The following HERC2 variants were observed in gnomAD, a reference collection of about 807,000 sequenced individuals.
The protein encoded by HERC2 is HECT and RLD domain containing E3 ubiquitin protein ligase 2, also known as E3 ubiquitin-protein ligase HERC2.
HERC2 carries 102 observed loss-of-function variants against 537.7 expected under a neutral mutation model. The observed-to-expected ratio is 0.19, with a 90% CI of 0.16 to 0.22. HERC2 has a LOEUF of 0.22. Among genes scored for constraint, HERC2 ranks in the 10% least tolerant of loss-of-function variants. The probability of loss-of-function intolerance (pLI) is 1.00; values close to 1 mark genes in which losing one functional copy is unlikely to be tolerated. For missense variants in HERC2, 4,236 were observed against 6,198.2 expected, an observed-to-expected ratio of 0.68 and a Z score of 10.63; for synonymous variants, 2,224 against 2,466.2, an observed-to-expected ratio of 0.90 and a Z score of 2.91.
intron 52 of HERC2, among the ~76,000 whole-genome samples, chr15:28,195,562 A>G (rs1897278492): frequency 2.0e-5 from 3 of 152,338 alleles, no homozygotes; most frequent in African/African-American, 4.8e-5. Context: ...GCTTAAATAC[A>G]TTACGCTAAA....
In HERC2 at chr15:28,230,519, T is replaced by C. The variant is rs546311210; in HGVS notation, c.4676-19A>G. Reference sequence around the variant, plus strand: ...TTAGGAACTGTGTTTTAAAACATCATTCACTATAAAAATCATACACTTAAA... The same window carrying C: ...TTAGGAACTGTGTTTTAAAACATCACTCACTATAAAAATCATACACTTAAA... On this transcript the variant is annotated intron_variant, in intron 30 of 92. Coordinates refer to ENST00000261609, the MANE Select transcript of HERC2 (RefSeq NM_004667.6). 6 of 1,154,814 alleles carry C rather than the reference T, an allele frequency of 5.2e-6. No individual in the cohort carries two copies. Among genetic ancestry groups the C allele is most frequent in the East Asian group, 2.3e-5 (1 of 42,596 alleles). 71.5% of individuals were successfully genotyped at this position (1,154,814 alleles called of 1,614,324 possible).
intron 37 of HERC2, among the ~76,000 whole-genome samples, chr15:28,220,207 G>A (rs1347033382): frequency 1.3e-5 from 2 of 152,206 alleles, no homozygotes; most frequent in Non-Finnish European, 2.9e-5. Flanking sequence ...AAAGAGGGGC[G>A]GGTGCACACA....
intron 67 of HERC2, 102 bp downstream of exon 67, chr15:28,168,305 G>A (rs1894350163): frequency 8.9e-7 from 1 of 1,127,176 alleles, no homozygotes; most frequent in South Asian, 1.5e-5. Flanking sequence ...TAAGCGGGAG[G>A]CACAGAAACA....
At chr15:28,285,590 A>C (rs1243301502) in intron 4 of HERC2, among the ~76,000 whole-genome samples, 1 of 152,008 alleles carries the variant, frequency 6.6e-6, no homozygotes, top group African/African-American at 2.4e-5. Context: ...ATATATTAGA[A>C]ACTTGGAAAC....
intron 36 of HERC2, among the ~76,000 whole-genome samples, 161 bp downstream of exon 36, chr15:28,221,867 A>G (rs1280383339): frequency 2.6e-5 from 4 of 151,906 alleles, no homozygotes; most frequent in African/African-American, 7.3e-5. Context: ...ATGATTCCCT[A>G]CTTGTGTTCA....
intron 71 of HERC2, among the ~76,000 whole-genome samples, 161 bp from the exon 72 acceptor site, chr15:28,144,965 G>C (rs1891589538): frequency 6.6e-6 from 1 of 152,200 alleles, no homozygotes; most frequent in Non-Finnish European, 1.5e-5. Flanking sequence ...CAACACTCTT[G>C]GGATTCACAT....
intron 35 of HERC2, among the ~76,000 whole-genome samples, chr15:28,222,896 A>G (rs979957574): frequency 1.3e-5 from 2 of 152,310 alleles, no homozygotes; most frequent in South Asian, 2.1e-4. Flanking sequence ...CACCTGACAC[A>G]GCTCAGTGCC....
At chr15:28,157,955 G>A (rs1006746043) in intron 69 of HERC2, among the ~76,000 whole-genome samples, 1 of 151,974 alleles carries the variant, frequency 6.6e-6, no homozygotes, top group East Asian at 1.9e-4. Flanking sequence ...TGTTCTCGTT[G>A]GTTTCAAAGA....
At chr15:28,189,768 A>G (rs1896654698) in intron 55 of HERC2, among the ~76,000 whole-genome samples, 1 of 152,236 alleles carries the variant, frequency 6.6e-6, no homozygotes, top group South Asian at 2.1e-4. Flanking sequence ...ACAAAACATC[A>G]CAGTGTTCTC....
At chr15:28,197,676 T>C (rs569331541) in intron 50 of HERC2, among the ~76,000 whole-genome samples, 7 of 152,216 alleles carry the variant, frequency 4.6e-5, no homozygotes, top group African/African-American at 1.7e-4. Context: ...TCCTTAAACC[T>C]GGGGGCGGAG....
rs1414012829 is a variant in HERC2 at position 28,132,730 on chromosome 15, C to A, written c.12331G>T (p.Asp4111Tyr). The A allele has an allele frequency of 6.2e-7, 1 of 1,609,068 alleles. No homozygotes were observed. The change falls in exon 80 of 93, where the codon GAC (aspartate) becomes TAC (tyrosine). Residue 4111 changes from aspartate (D) to tyrosine (Y), a missense_variant. By Grantham distance (160) the Asp-to-Tyr change is radical. This residue lies in a region of HERC2 where 94 missense variants were observed against 137.4 expected (regional missense o/e 0.68). Transcript: ENST00000261609. ...CGGCCTTTGCCCCATGTGTAGAGGT[C>A]CCCGGCTGCTGTGACACAGGCGCTG... The part of the protein sequence containing the change: ...AHSACVTAAG[D>Y]LYTWGKGRYG...
intron 25 of HERC2, 115 bp from the exon 26 acceptor site, chr15:28,237,228 G>A: frequency 1.2e-6 from 1 of 826,224 alleles, no homozygotes; most frequent in Non-Finnish European, 2.0e-6. Flanking sequence ...GGGGTGCTCT[G>A]GGCATTCTGC....
chr15:28,227,843 A>G (rs1184212943), intron 35 of HERC2, among the ~76,000 whole-genome samples: 1 of 152,206 alleles, frequency 6.6e-6, no homozygotes, highest in Non-Finnish European at 1.5e-5. Flanking sequence ...TACCAAATGA[A>G]ATAACCCAGA....
At chr15:28,132,627 G>C in intron 80 of HERC2, 26 bp downstream of exon 80, 1 of 1,424,230 alleles carries the variant, frequency 7.0e-7, no homozygotes. Context: ...TGCAGCCTCC[G>C]GCCTCTGCAC....
chr15:28,124,980 G>C lies in HERC2; in HGVS notation c.12990+26C>G, dbSNP rs377663104. 1.5e-4 allele frequency: 231 copies of C among 1,574,874 alleles called. 3 individuals carry two copies. The South Asian group carries it at 2.4e-3, about 16-fold the overall frequency. Reference sequence around the variant, plus strand: ...ACAGGAGCACACTTTGCTTGCCCCCGACCCACCCAACCTGCCCGGACTCAC... The same window carrying C: ...ACAGGAGCACACTTTGCTTGCCCCCCACCCACCCAACCTGCCCGGACTCAC... On this transcript the variant is annotated intron_variant, in intron 84 of 92. Transcript: ENST00000261609.
chr15:28,176,994 G>A lies in HERC2; in HGVS notation c.9388C>T (p.Arg3130Trp). ...GTCGTATTATCCCCATGTCCCAGCC[G>A]GCCGTACTCGCCGAGGCCCCAGGTG... is the stretch of plus-strand genomic sequence containing the variant. ...LYTWGLGEYG[R>W]LGHGDNTTQL... is the part of the protein sequence containing the mutation. The change falls in exon 61 of 93, where the codon CGG becomes TGG. Residue 3130 changes from arginine to tryptophan, a missense_variant. By Grantham distance (101) the Arg-to-Trp change is moderately radical (BLOSUM62 -3). Coordinates refer to ENST00000261609, the MANE Select transcript of HERC2 (RefSeq NM_004667.6). This position sits in a 1 kb window ranked among gnomAD's most constrained non-coding sequence, Gnocchi z 5.0. 1.9e-6 allele frequency: 3 copies of A among 1,613,960 alleles called. No homozygotes were observed. The highest frequency in any genetic ancestry group is 2.5e-6 in the Non-Finnish European group (3 of 1,179,940).
chr15:28,134,944 A>T (rs907119603), intron 79 of HERC2, among the ~76,000 whole-genome samples: 3 of 152,222 alleles, frequency 2.0e-5, no homozygotes, highest in African/African-American at 7.2e-5. Context: ...AAGTGCTGGG[A>T]TTACAGGCGT....
At chr15:28,212,279 T>C (rs532642019) in intron 43 of HERC2, among the ~76,000 whole-genome samples, 166 bp downstream of exon 43, 29 of 152,222 alleles carry the variant, frequency 1.9e-4, no homozygotes, top group African/African-American at 7.0e-4. Context: ...AAAATACTCA[T>C]TACCACGAAC....
rs772269187 is a variant in HERC2, at chr15:28,262,879, CTGT to C, written c.2122+36_2122+38del. ...TAACTTTAAAACATTACTAAAGAAACTGTCCTGAAGGGTTTTAAAAGTTTACAT... is the reference window on the plus strand; with the variant it reads ...TAACTTTAAAACATTACTAAAGAAACCCTGAAGGGTTTTAAAAGTTTACAT... On this transcript the variant is annotated intron_variant, in intron 15 of 92. Coordinates refer to ENST00000261609, the MANE Select transcript of HERC2 (RefSeq NM_004667.6). The C allele has an allele frequency of 5.7e-6, 9 of 1,577,788 alleles. No homozygotes were observed. The African/African-American group carries it at 1.2e-4, about 22-fold the overall frequency.
Sources: allele counts gnomAD v4.1 joint callset (sites outside exome capture counted in the v4.1 genomes callset), GRCh38; gene constraint gnomAD v4.1.1; regional missense constraint gnomAD v4.1.1; non-coding constraint Gnocchi (gnomAD v3.1); transcripts MANE v1.5; gene names NCBI Gene and HGNC (gene_info 2026-07-23, HGNC 2026-07-21).